The following FREM2 variants were observed in gnomAD, a reference collection of about 807,000 sequenced individuals.
FREM2 encodes FRAS1-related extracellular matrix protein 2.
Under a neutral mutation model 219.9 loss-of-function variants are expected in FREM2, and 119 were observed. The ratio of observed to expected loss-of-function variants is 0.54; its 90% CI spans 0.47 to 0.63. The LOEUF (loss-of-function observed/expected upper bound fraction) is 0.63, where lower values mean the gene tolerates loss of function less well. Ranked by LOEUF, FREM2 falls within the 30% of genes least tolerant of loss-of-function variation. The pLI, the probability that FREM2 is intolerant of heterozygous loss-of-function variation, is 0.00. For missense variants in FREM2, 4,030 were observed against 3,993.6 expected (o/e 1.01, Z -0.25); for synonymous variants, 1,562 against 1,522.8 (o/e 1.03, Z -0.60).
At chr13:38,777,364 G>A (rs1184364470) in intron 4 of FREM2, among the ~76,000 whole-genome samples, 1 of 152,064 alleles carries the variant, frequency 6.6e-6, no homozygotes, top group African/African-American at 2.4e-5. Flanking sequence ...TCCCACTCCT[G>A]GCTAACCTGA....
At chr13:38,722,537 A>G (rs1167841490) in intron 2 of FREM2, among the ~76,000 whole-genome samples, 1 of 152,066 alleles carries the variant, frequency 6.6e-6, no homozygotes, top group Non-Finnish European at 1.5e-5. Context: ...AACAGTGGTT[A>G]TCAAATTTTA....
chr13:38,754,480 A>G (rs1358976472), intron 2 of FREM2, among the ~76,000 whole-genome samples: 1 of 152,202 alleles, frequency 6.6e-6, no homozygotes, highest in Admixed American at 6.5e-5. Context: ...TAGGAATAAT[A>G]TTAGCAGGCT....
rs777900378 is a variant in FREM2 at position 38,851,800 on chromosome 13, C to G, written c.6857C>G (p.Ser2286Cys). The change falls in exon 11 of 24, where the codon TCC (serine) becomes TGC (cysteine). Residue 2286 changes from serine (S) to cysteine (C), a missense_variant. Ser to Cys is a moderately radical substitution (Grantham distance 112). Around this residue, in one of 2 missense-constraint regions of FREM2, gnomAD observed 3,102 missense variants for 2,950.7 expected, o/e 1.05. Transcript: ENST00000280481. ...VIRQGDTSKVSIVRVHTKDGS... is the reference protein window; with the variant it reads ...VIRQGDTSKVCIVRVHTKDGS... ...CGCCAAGGAGACACTTCAAAGGTTT[C>G]CATTGTGAGAGTCCACACCAAGGAT... The G allele has an allele frequency of 2.5e-6, 4 of 1,613,944 alleles. No individual in the cohort carries two copies. The South Asian group carries it at 4.4e-5, about 18-fold the overall frequency.
chr13:38,839,043 G>A (rs531152182), intron 6 of FREM2, among the ~76,000 whole-genome samples: 21 of 152,068 alleles, frequency 1.4e-4, no homozygotes, highest in African/African-American at 5.1e-4. Flanking sequence ...GAGGCATTCT[G>A]GTTTTTGGAA....
intron 11 of FREM2, among the ~76,000 whole-genome samples, chr13:38,853,361 G>GCT (rs1257183698): frequency 2.1e-5 from 3 of 145,788 alleles, no homozygotes; most frequent in Non-Finnish European, 4.5e-5. Context: ...TCTCTCACTT[G>GCT]CTCTCTCTCT....
chr13:38,758,194 A>C (rs778756144), intron 2 of FREM2, among the ~76,000 whole-genome samples: 2 of 152,142 alleles, frequency 1.3e-5, no homozygotes, highest in African/African-American at 2.4e-5. Context: ...AATCTCCTAA[A>C]TAGGAGGAGA....
chr13:38,728,660 T>A (rs1283521650), intron 2 of FREM2, among the ~76,000 whole-genome samples: 2 of 150,262 alleles, frequency 1.3e-5, no homozygotes. Context: ...GATCTGCCCA[T>A]CTTGACCTCC....
rs202007498 is a variant in FREM2 at position 38,769,792 on chromosome 13, C to T, written c.5625C>T (p.Ile1875=). 5 of 1,613,484 alleles carry T rather than the reference C, an allele frequency of 3.1e-6. No homozygotes were observed. In the African/African-American group the frequency reaches 4.0e-5, roughly 13 times the overall value. The change falls in exon 4 of 24, where the codon ATC becomes ATT. Residue 1875 remains isoleucine, a synonymous_variant. Coordinates refer to ENST00000280481, the MANE Select transcript of FREM2 (RefSeq NM_207361.6). Reference sequence around the variant, plus strand: ...TCCCCACAGTCGCCACTGTTGAGATCGTTGATCCAGGAGATGGTAAGAGCC... The same window carrying T: ...TCCCCACAGTCGCCACTGTTGAGATTGTTGATCCAGGAGATGGTAAGAGCC... ...LEFPTVATVE[I]VDPGDEPTVF...
At chr13:38,795,309 A>G (rs1173551696) in intron 6 of FREM2, among the ~76,000 whole-genome samples, 3 of 139,920 alleles carry the variant, frequency 2.1e-5, no homozygotes, top group African/African-American at 7.5e-5. Flanking sequence ...GAGGTGTCCT[A>G]TATGGCTTTC....
chr13:38,853,875 A>C (rs1401261756), intron 11 of FREM2, among the ~76,000 whole-genome samples: 1 of 152,200 alleles, frequency 6.6e-6, no homozygotes, highest in Non-Finnish European at 1.5e-5. Context: ...CTTTTAACAA[A>C]AAATGTTTTT....
chr13:38,693,837 G>GA (rs1869999892), intron 1 of FREM2, among the ~76,000 whole-genome samples: 1 of 152,222 alleles, frequency 6.6e-6, no homozygotes, highest in Non-Finnish European at 1.5e-5. Context: ...CTAAAAGCCT[G>GA]AATGTCTCCC....
chr13:38,821,450 A>G (rs1173913188), intron 6 of FREM2, among the ~76,000 whole-genome samples: 1 of 152,144 alleles, frequency 6.6e-6, no homozygotes, highest in African/African-American at 2.4e-5. Flanking sequence ...GCTAAAACTA[A>G]AAATGCCTTC....
At chr13:38,710,306 AT>A (rs1870719153) in intron 2 of FREM2, among the ~76,000 whole-genome samples, 1 of 152,210 alleles carries the variant, frequency 6.6e-6, no homozygotes, top group African/African-American at 2.4e-5. Context: ...GACTTAAAAA[AT>A]ATATGAGACT....
At chr13:38,852,740 T>C (rs146655355) in intron 11 of FREM2, among the ~76,000 whole-genome samples, 1 of 148,864 alleles carries the variant, frequency 6.7e-6, no homozygotes, top group Non-Finnish European at 1.5e-5. Context: ...AGTCTCACGC[T>C]GTTGGCCAGG....
At chr13:38,754,585 G>A (rs991745411) in intron 2 of FREM2, among the ~76,000 whole-genome samples, 8 of 152,152 alleles carry the variant, frequency 5.3e-5, no homozygotes, top group Middle Eastern at 6.8e-3. Flanking sequence ...ATAGAATGTG[G>A]AAATACCTAA....
intron 10 of FREM2, 78 bp downstream of exon 10, chr13:38,851,186 G>T: frequency 6.9e-7 from 1 of 1,442,876 alleles, no homozygotes; most frequent in Non-Finnish European, 9.6e-7. Flanking sequence ...AAGTGACTCA[G>T]AAAAATGCCC....
Position 38,691,144 on chromosome 13 carries a change from A to G in FREM2, c.3800A>G (p.His1267Arg). The G allele has an allele frequency of 6.2e-7, 1 of 1,614,158 alleles. No individual in the cohort carries two copies. Among genetic ancestry groups the G allele is most frequent in the Non-Finnish European group, 8.5e-7 (1 of 1,180,042 alleles). The change falls in exon 1 of 24, where the codon CAT (histidine) becomes CGT (arginine). Residue 1267 changes from histidine to arginine, a missense_variant. His to Arg is a conservative substitution (Grantham distance 29). This residue lies in a region of FREM2 where 3,102 missense variants were observed against 2,950.7 expected (regional missense o/e 1.05). Transcript: ENST00000280481. Reference protein sequence around the residue: ...IIESSSIIYEHDDSETQEDSF... With the variant: ...IIESSSIIYERDDSETQEDSF... ...GAGAGTTCCAGCATTATTTATGAGC[A>G]TGATGACTCCGAGACCCAGGAAGAC... is the stretch of plus-strand genomic sequence containing the variant.
chr13:38,752,026 G>T (rs1189427709), intron 2 of FREM2, among the ~76,000 whole-genome samples: 3 of 152,172 alleles, frequency 2.0e-5, no homozygotes, highest in Non-Finnish European at 2.9e-5. Flanking sequence ...TCACCAAAGG[G>T]TTCAACTAAT....
At chr13:38,807,189 T>TATATATA (rs1555268805) in intron 6 of FREM2, among the ~76,000 whole-genome samples, 4,704 of 45,074 alleles carry the variant, frequency 0.1, 1,162 homozygotes, top group East Asian at 0.15. Flanking sequence ...CTTGTCTCTG[T>TATATATA]TATATATATA....
Sources: allele counts gnomAD v4.1 joint callset (sites outside exome capture counted in the v4.1 genomes callset), GRCh38; gene constraint gnomAD v4.1.1; regional missense constraint gnomAD v4.1.1; transcripts MANE v1.5; gene names NCBI Gene and HGNC (gene_info 2026-07-23, HGNC 2026-07-21).